ANO6: variants seen among roughly 807,000 people sequenced by gnomAD.
The protein encoded by ANO6 is anoctamin-6.
A neutral mutation model predicts 117.5 loss-of-function variants in ANO6; 106 were observed. That is an observed-to-expected ratio of 0.90 (90% CI 0.77 to 1.06). ANO6 has a LOEUF of 1.06. Ranked by LOEUF, ANO6 falls within the 50% of genes least tolerant of loss-of-function variation. The probability of loss-of-function intolerance (pLI) is 0.00; values close to 1 mark genes in which losing one functional copy is unlikely to be tolerated. For missense variants in ANO6, 955 were observed against 1,121.1 expected (o/e 0.85, Z 2.12); for synonymous variants, 367 against 385.1 (o/e 0.95, Z 0.55).
intron 9 of ANO6, among the ~76,000 whole-genome samples, chr12:45,372,831 A>T (rs879382200): frequency 3.9e-5 from 6 of 152,216 alleles, no homozygotes; most frequent in Non-Finnish European, 8.8e-5. Flanking sequence ...AGCTAACATC[A>T]TCATGACAGG....
intron 2 of ANO6, among the ~76,000 whole-genome samples, chr12:45,312,863 TTATAA>T (rs1393534881): frequency 1.3e-5 from 2 of 152,052 alleles, no homozygotes; most frequent in African/African-American, 4.8e-5. Flanking sequence ...TTAACATGTA[TTATAA>T]TATATCAAGT....
chr12:45,258,901 A>C (rs917450942), intron 1 of ANO6, among the ~76,000 whole-genome samples: 4 of 152,204 alleles, frequency 2.6e-5, no homozygotes, highest in African/African-American at 2.4e-5. Flanking sequence ...CTGATAGAGA[A>C]AGGGATGTGA....
At chr12:45,326,289 G>A (rs1255422082) in intron 2 of ANO6, among the ~76,000 whole-genome samples, 1 of 152,134 alleles carries the variant, frequency 6.6e-6, no homozygotes, top group Non-Finnish European at 1.5e-5. Flanking sequence ...GATGAGAAAT[G>A]ACTGAAAATA....
chr12:45,299,719 T>C (rs1358604803), intron 1 of ANO6, among the ~76,000 whole-genome samples: 2 of 151,750 alleles, frequency 1.3e-5, no homozygotes, highest in Admixed American at 1.3e-4. Context: ...CCAGGTGTAG[T>C]GGCACGCCTG....
chr12:45,351,805 G>A (rs768403835), intron 7 of ANO6, among the ~76,000 whole-genome samples: 3 of 152,172 alleles, frequency 2.0e-5, no homozygotes, highest in Non-Finnish European at 4.4e-5. Context: ...GCGCCGAAAA[G>A]AGTTTAGACT....
chr12:45,311,088 C>T (rs896181421), intron 2 of ANO6, among the ~76,000 whole-genome samples: 2 of 151,616 alleles, frequency 1.3e-5, no homozygotes, highest in African/African-American at 4.8e-5. Flanking sequence ...TTGATTTTAG[C>T]AAGATGTGTG....
intron 1 of ANO6, among the ~76,000 whole-genome samples, chr12:45,224,687 T>C (rs1947454868): frequency 6.6e-6 from 1 of 152,234 alleles, no homozygotes; most frequent in South Asian, 2.1e-4. Context: ...GAATAAGAGT[T>C]ACTCTTACTT....
intron 11 of ANO6, among the ~76,000 whole-genome samples, chr12:45,389,212 A>G (rs1004845189): frequency 6.6e-6 from 1 of 152,234 alleles, no homozygotes; most frequent in Non-Finnish European, 1.5e-5. Flanking sequence ...TCCTTTTACA[A>G]ATGGGAAAAA....
chr12:45,438,921 G>A (rs1270356322), intron 19 of ANO6, among the ~76,000 whole-genome samples: 1 of 152,170 alleles, frequency 6.6e-6, no homozygotes, highest in African/African-American at 2.4e-5. Context: ...ACTTGGAAAA[G>A]AGATGTTCAA....
chr12:45,414,959 T>A (rs1178921159), intron 16 of ANO6, among the ~76,000 whole-genome samples: 2 of 152,130 alleles, frequency 1.3e-5, no homozygotes, highest in Non-Finnish European at 2.9e-5. Flanking sequence ...AGACAGGGTA[T>A]GTTGCCTAGG....
intron 16 of ANO6, among the ~76,000 whole-genome samples, chr12:45,413,066 T>C (rs1483913355): frequency 2.6e-5 from 4 of 152,228 alleles, no homozygotes; most frequent in Non-Finnish European, 5.9e-5. Context: ...GTGCTTAGCC[T>C]GAGGACTTGA....
At chr12:45,318,062 A>G (rs1218803496) in intron 2 of ANO6, among the ~76,000 whole-genome samples, 1 of 152,100 alleles carries the variant, frequency 6.6e-6, no homozygotes, top group Admixed American at 6.6e-5. Context: ...ATTTTCTCCC[A>G]TTCTGTAGGT....
chr12:45,423,129 C>A (rs1003032762), intron 19 of ANO6, 67 bp downstream of exon 19: 1 of 1,135,724 alleles, frequency 8.8e-7, no homozygotes, highest in African/African-American at 1.5e-5. Flanking sequence ...TTAAGTGTTG[C>A]CAACTCCATA....
chr12:45,429,868 G>C lies in ANO6; in HGVS notation c.*557G>C, dbSNP rs932663826. 1.0e-6 allele frequency: 1 copy of C among 979,764 alleles called. No homozygotes were observed. Among genetic ancestry groups the C allele is most frequent in the Non-Finnish European group, 1.2e-6 (1 of 823,216 alleles). The allele number at this position is 979,764 out of a possible 1,614,324, so 60.7% of individuals were successfully genotyped here. On this transcript the variant is annotated 3_prime_UTR_variant, in exon 20 of 20. Transcript: ENST00000320560. ...CCAGAAAGGAAACCTCAGTTAATCA[G>C]AGGAAATAGTTTCAGTCTTCATTTG...
At chr12:45,276,790 T>TA (rs1938568722) in intron 1 of ANO6, among the ~76,000 whole-genome samples, 1 of 152,242 alleles carries the variant, frequency 6.6e-6, no homozygotes, top group Non-Finnish European at 1.5e-5. Context: ...CAGTGATTCT[T>TA]ACGTTTATAT....
rs774210161 is a variant in ANO6 at position 45,216,310 on chromosome 12, TC to T, written c.-11del. The T allele has an allele frequency of 6.2e-7, 1 of 1,605,176 alleles. No individual in the cohort carries two copies. Among genetic ancestry groups the T allele is most frequent in the Non-Finnish European group, 8.5e-7 (1 of 1,175,638 alleles). ...CTTCGCGCCAAGTTCGGAGCCGCCT[TC>T]TGAGGGAGACATGAAAAAGATGAGC... On this transcript the variant is annotated 5_prime_UTR_variant, in exon 1 of 20. Coordinates refer to ENST00000320560, the MANE Select transcript of ANO6 (RefSeq NM_001025356.3).
At chr12:45,331,449 CTTTT>C (rs745846535) in intron 3 of ANO6, 26 bp downstream of exon 3, 9 of 1,570,178 alleles carry the variant, frequency 5.7e-6, no homozygotes, top group African/African-American at 4.1e-5. Context: ...ATTTTCCTTT[CTTTT>C]TATTTCTTAT....
At chr12:45,343,405 G>A (rs1258571151) in intron 3 of ANO6, among the ~76,000 whole-genome samples, 1 of 152,122 alleles carries the variant, frequency 6.6e-6, no homozygotes, top group Non-Finnish European at 1.5e-5. Flanking sequence ...ACACAGGCAT[G>A]GATCCTGCTA....
chr12:45,255,608 C>A (rs1937785775), intron 1 of ANO6, among the ~76,000 whole-genome samples: 1 of 152,186 alleles, frequency 6.6e-6, no homozygotes, highest in South Asian at 2.1e-4. Flanking sequence ...TACTAAGAAT[C>A]ATCCCAAAGC....
Sources: allele counts gnomAD v4.1 joint callset (sites outside exome capture counted in the v4.1 genomes callset), GRCh38; gene constraint gnomAD v4.1.1; transcripts MANE v1.5; gene names NCBI Gene and HGNC (gene_info 2026-07-23, HGNC 2026-07-21).